KCNIP4: variants seen among roughly 807,000 people sequenced by gnomAD.
The protein encoded by KCNIP4 is Kv channel-interacting protein 4.
Under a neutral mutation model 34.0 loss-of-function variants are expected in KCNIP4, and 12 were observed. The ratio of observed to expected loss-of-function variants is 0.35; its 90% confidence interval spans 0.23 to 0.57. The LOEUF (loss-of-function observed/expected upper bound fraction) is 0.57, where lower values mean the gene tolerates loss of function less well. KCNIP4 is among the 20% of genes least tolerant of loss of function. The pLI is 0.83. For missense variants in KCNIP4, 238 were observed against 311.7 expected (o/e 0.76, Z 1.78); for synonymous variants, 124 against 102.2 (o/e 1.21, Z -1.29).
At chr4:21,536,894 C>A (rs1008657183) in intron 1 of KCNIP4, among the ~76,000 whole-genome samples, 8 of 152,092 alleles carry the variant, frequency 5.3e-5, no homozygotes, top group Non-Finnish European at 1.2e-4. Flanking sequence ...TAAATCTTAG[C>A]ATTGGATCTT....
chr4:21,593,599 A>G (rs1742393622), intron 1 of KCNIP4, among the ~76,000 whole-genome samples: 1 of 152,062 alleles, frequency 6.6e-6, no homozygotes, highest in Non-Finnish European at 1.5e-5. Context: ...CAGATTTTGC[A>G]CCAATTTCCA....
intron 1 of KCNIP4, among the ~76,000 whole-genome samples, chr4:21,110,782 G>A (rs1484620486): frequency 6.6e-6 from 1 of 152,148 alleles, no homozygotes; most frequent in South Asian, 2.1e-4. Context: ...ACAAAAAGTT[G>A]GTTGCCTGTG....
chr4:21,820,283 GTGTATATATATATATATA>G (rs6148335), intron 1 of KCNIP4, among the ~76,000 whole-genome samples: 46,169 of 127,488 alleles, frequency 0.36, 9,282 homozygotes, highest in Non-Finnish European at 0.45. Context: ...ATGTGTGTGT[GTGTATATATATATATATA>G]TATATATATA....
intron 1 of KCNIP4, among the ~76,000 whole-genome samples, chr4:21,409,949 G>A (rs1233349885): frequency 1.3e-5 from 2 of 152,182 alleles, no homozygotes; most frequent in Non-Finnish European, 2.9e-5. Context: ...ATGAGCATGA[G>A]AAGAGTAGGA....
intron 1 of KCNIP4, among the ~76,000 whole-genome samples, chr4:21,683,617 C>T (rs191625160): frequency 0.011 from 1,662 of 151,234 alleles, 28 homozygotes; most frequent in African/African-American, 0.038. Flanking sequence ...TACAGGCGCC[C>T]GCCACCACGC....
intron 4 of KCNIP4, among the ~76,000 whole-genome samples, chr4:20,754,105 G>T (rs1018706501): frequency 2.0e-5 from 3 of 152,148 alleles, no homozygotes; most frequent in African/African-American, 7.2e-5. Context: ...AAGTTTTTGT[G>T]TAACCATATA....
At chr4:21,639,932 T>C (rs1332783428) in intron 1 of KCNIP4, among the ~76,000 whole-genome samples, 2 of 152,182 alleles carry the variant, frequency 1.3e-5, no homozygotes, top group African/African-American at 4.8e-5. Flanking sequence ...TTGTATCTTC[T>C]GGAATTAATA....
At chr4:21,110,467 T>A (rs956545188) in intron 1 of KCNIP4, among the ~76,000 whole-genome samples, 1 of 152,252 alleles carries the variant, frequency 6.6e-6, no homozygotes, top group African/African-American at 2.4e-5. Context: ...GGAGTCATCG[T>A]GTCAAACTTG....
chr4:21,474,315 C>T (rs17523974), intron 1 of KCNIP4, among the ~76,000 whole-genome samples: 36,855 of 151,970 alleles, frequency 0.24, 4,867 homozygotes, highest in Non-Finnish European at 0.31. Flanking sequence ...CCACAGTGCA[C>T]CTAGCAATTT....
chr4:21,700,352 T>G (rs1489265227), intron 1 of KCNIP4, among the ~76,000 whole-genome samples: 6 of 152,210 alleles, frequency 3.9e-5, no homozygotes, highest in Non-Finnish European at 8.8e-5. Context: ...GTTGAATGTT[T>G]TTTCAGGAAC....
intron 1 of KCNIP4, among the ~76,000 whole-genome samples, chr4:20,925,601 T>C (rs932827640): frequency 1.3e-5 from 2 of 152,200 alleles, no homozygotes; most frequent in Non-Finnish European, 2.9e-5. Flanking sequence ...GATTCTTTTA[T>C]TTCTCTACTT....
chr4:21,255,089 C>T (rs1760974932), intron 1 of KCNIP4, among the ~76,000 whole-genome samples: 1 of 152,060 alleles, frequency 6.6e-6, no homozygotes, highest in South Asian at 2.1e-4. Context: ...TCCTCTACCC[C>T]CACCCTGGCT....
At chr4:21,824,311 A>G (rs1206577843) in intron 1 of KCNIP4, among the ~76,000 whole-genome samples, 1 of 152,166 alleles carries the variant, frequency 6.6e-6, no homozygotes, top group Non-Finnish European at 1.5e-5. Flanking sequence ...AAGACTAACA[A>G]ATTAGCCACA....
chr4:20,793,177 T>C (rs994265061), intron 3 of KCNIP4, among the ~76,000 whole-genome samples: 11 of 152,186 alleles, frequency 7.2e-5, no homozygotes, highest in Admixed American at 3.9e-4. Context: ...TAAATGTCCA[T>C]TTACAGGTGA....
At chr4:21,066,148 G>A (rs1469435086) in intron 1 of KCNIP4, among the ~76,000 whole-genome samples, 6 of 152,110 alleles carry the variant, frequency 3.9e-5, no homozygotes, top group East Asian at 3.9e-4. Context: ...CAACAACACC[G>A]GTGGGAAATT....
chr4:20,799,150 A>G (rs1392872911), intron 3 of KCNIP4, among the ~76,000 whole-genome samples: 1 of 152,112 alleles, frequency 6.6e-6, no homozygotes, highest in African/African-American at 2.4e-5. Context: ...TCTACTATAT[A>G]GCTGCTCCAT....
At chr4:21,396,770 G>T (rs1723048915) in intron 1 of KCNIP4, among the ~76,000 whole-genome samples, 3 of 152,056 alleles carry the variant, frequency 2.0e-5, no homozygotes, top group Non-Finnish European at 2.9e-5. Flanking sequence ...GGAGTAATGA[G>T]AAGCCATGAA....
chr4:21,278,384 A>G (rs10025398), intron 1 of KCNIP4, among the ~76,000 whole-genome samples: 40,007 of 151,762 alleles, frequency 0.26, 5,415 homozygotes, highest in South Asian at 0.36. Context: ...CCCAGTGTCT[A>G]TTGTTCCCCT....
chr4:21,142,709 G>A (rs575735964), intron 1 of KCNIP4, among the ~76,000 whole-genome samples: 96 of 152,262 alleles, frequency 6.3e-4, no homozygotes, highest in African/African-American at 2.3e-3. Flanking sequence ...AGCAGGAACT[G>A]ACGCAAATTG....
Sources: allele counts gnomAD v4.1 joint callset (sites outside exome capture counted in the v4.1 genomes callset), GRCh38; gene constraint gnomAD v4.1.1; transcripts MANE v1.5; gene names NCBI Gene and HGNC (gene_info 2026-07-23, HGNC 2026-07-21).